MBNL2: variants seen among roughly 807,000 people sequenced by gnomAD.
MBNL2 encodes the protein muscleblind like splicing regulator 2.
MBNL2 carries 17 observed loss-of-function variants against 41.9 expected under a neutral mutation model. The observed-to-expected ratio is 0.41, with a 90% CI of 0.28 to 0.61. The LOEUF (loss-of-function observed/expected upper bound fraction) is 0.61, where lower values mean the gene tolerates loss of function less well. MBNL2 is among the 20% of genes least tolerant of loss of function. MBNL2 has a pLI of 0.35. For missense variants in MBNL2, 336 were observed against 505.6 expected, an observed-to-expected ratio of 0.66 and a Z score of 3.22; for synonymous variants, 195 against 182.9, an observed-to-expected ratio of 1.07 and a Z score of -0.53.
At chr13:97,167,966 T>C in the MBNL2 span, among the ~76,000 whole-genome samples, 1 of 152,144 alleles carries the variant, frequency 6.6e-6, no homozygotes, top group African/African-American at 2.4e-5. Flanking sequence ...TTTGGAGATA[T>C]ATATATATTT....
chr13:97,237,142 C>T (rs531053094), intron 1 of MBNL2, among the ~76,000 whole-genome samples: 8 of 152,158 alleles, frequency 5.3e-5, no homozygotes, highest in Non-Finnish European at 1.0e-4. Flanking sequence ...ATTTGAATCC[C>T]GGGGTCCCGT....
At chr13:97,387,841 A>C (rs765540567) in intron 8 of MBNL2, among the ~76,000 whole-genome samples, 4 of 152,164 alleles carry the variant, frequency 2.6e-5, no homozygotes, top group Non-Finnish European at 5.9e-5. Context: ...AATCAAGGGG[A>C]TATATCTTAA....
chr13:97,154,936 A>G, the MBNL2 span, among the ~76,000 whole-genome samples: 1 of 152,060 alleles, frequency 6.6e-6, no homozygotes, highest in Non-Finnish European at 1.5e-5. Context: ...AGTATTGAGG[A>G]GGCGATGCTG....
chr13:97,177,345 G>C, the MBNL2 span, among the ~76,000 whole-genome samples: 1 of 151,768 alleles, frequency 6.6e-6, no homozygotes, highest in African/African-American at 2.4e-5. Context: ...TGTCTCCAAA[G>C]AAAAAAGAGA....
upstream of MBNL2, among the ~76,000 whole-genome samples, chr13:97,217,752 C>T (rs1348578234): frequency 1.3e-5 from 2 of 152,080 alleles, no homozygotes; most frequent in Admixed American, 6.6e-5. Flanking sequence ...TGAGTTTATG[C>T]ATGTAAACAT....
chr13:97,262,392 T>A (rs1286735516), intron 1 of MBNL2, among the ~76,000 whole-genome samples: 1 of 152,186 alleles, frequency 6.6e-6, no homozygotes, highest in Non-Finnish European at 1.5e-5. Flanking sequence ...CGCTACTCCC[T>A]CCTCTTGAAA....
the MBNL2 span, among the ~76,000 whole-genome samples, chr13:97,185,506 C>T: frequency 6.6e-6 from 1 of 152,132 alleles, no homozygotes; most frequent in African/African-American, 2.4e-5. Context: ...TTGGATTAGC[C>T]ATATTGAGCT....
At chr13:97,203,378 T>C in the MBNL2 span, among the ~76,000 whole-genome samples, 1 of 152,198 alleles carries the variant, frequency 6.6e-6, no homozygotes, top group South Asian at 2.1e-4. Flanking sequence ...TATTATATTA[T>C]ATGACTCTGT....
intron 2 of MBNL2, among the ~76,000 whole-genome samples, chr13:97,291,882 G>A (rs1383791063): frequency 1.6e-4 from 12 of 74,478 alleles, no homozygotes; most frequent in East Asian, 1.5e-3. Flanking sequence ...GCAACAGAGC[G>A]AGACTCCGTC....
At chr13:97,321,126 T>G (rs970847333) in intron 2 of MBNL2, among the ~76,000 whole-genome samples, 4 of 152,184 alleles carry the variant, frequency 2.6e-5, no homozygotes, top group African/African-American at 9.7e-5. Context: ...GGGTTAGGAC[T>G]TCCACATGCA....
At position 97,366,969 on chromosome 13, in the gene MBNL2, A is replaced by G. The variant is rs1268259119; in HGVS notation, c.1048+1798A>G. Reference sequence around the variant, plus strand: ...GTGGAGGAAAAAAATCTCCTCTTAGAAAGAGTCATATTTGAGGCCTAAGTG... The same window carrying G: ...GTGGAGGAAAAAAATCTCCTCTTAGGAAGAGTCATATTTGAGGCCTAAGTG... On this transcript the variant is annotated intron_variant, in intron 8 of 8. Coordinates refer to ENST00000679496, the MANE Select transcript of MBNL2 (RefSeq NM_001382683.1). This position sits in a 1 kb window ranked among gnomAD's most constrained non-coding sequence, Gnocchi z 4.7. Among the ~76,000 whole-genome samples, 1 of 152,146 alleles carries G rather than the reference A, an allele frequency of 6.6e-6. No homozygotes were observed. The highest frequency in any genetic ancestry group is 1.5e-5 in the Non-Finnish European group (1 of 68,020).
At chr13:97,242,679 C>T (rs1207930408) in intron 1 of MBNL2, among the ~76,000 whole-genome samples, 1 of 151,872 alleles carries the variant, frequency 6.6e-6, no homozygotes, top group South Asian at 2.1e-4. Context: ...ATGAGGACTT[C>T]CTGGGTCCCG....
chr13:97,175,315 T>C, the MBNL2 span, among the ~76,000 whole-genome samples: 1 of 152,170 alleles, frequency 6.6e-6, no homozygotes, highest in African/African-American at 2.4e-5. Context: ...TTATCCTTCA[T>C]AGGTGTCTCC....
At chr13:97,220,319 G>T (rs904754838), upstream of MBNL2, among the ~76,000 whole-genome samples, 2 of 152,184 alleles carry the variant, frequency 1.3e-5, no homozygotes, top group African/African-American at 4.8e-5. Flanking sequence ...ACATTGTTAA[G>T]GGTTTCAAAG....
the MBNL2 span, among the ~76,000 whole-genome samples, chr13:97,196,844 A>G: frequency 1.3e-5 from 2 of 152,278 alleles, no homozygotes; most frequent in African/African-American, 2.4e-5. Flanking sequence ...ATCTTTTGCC[A>G]CCATATGGTT....
the MBNL2 span, among the ~76,000 whole-genome samples, chr13:97,173,247 G>A: frequency 6.6e-6 from 1 of 152,200 alleles, no homozygotes; most frequent in African/African-American, 2.4e-5. Context: ...GTAAGACACT[G>A]AGAGGAATTG....
intron 5 of MBNL2, among the ~76,000 whole-genome samples, chr13:97,354,567 GT>G (rs1165703620): frequency 2.0e-5 from 3 of 152,074 alleles, no homozygotes; most frequent in African/African-American, 2.4e-5. Context: ...AGAGATCTCA[GT>G]TTTTTTACAT....
intron 4 of MBNL2, 63 bp downstream of exon 4, chr13:97,343,279 GA>G: frequency 1.6e-6 from 2 of 1,222,638 alleles, no homozygotes; most frequent in Non-Finnish European, 2.3e-6. Flanking sequence ...CTGTGTAAGT[GA>G]TTGCTTGTAA....
chr13:97,163,159 C>T, the MBNL2 span, among the ~76,000 whole-genome samples: 3,431 of 152,270 alleles, frequency 0.023, 114 homozygotes, highest in African/African-American at 0.078. Flanking sequence ...AGCATCAGGG[C>T]GTAGGGTCCG....
Sources: gnomAD v4.1 joint callset for allele counts (sites outside exome capture counted in the v4.1 genomes callset) on GRCh38, gnomAD v4.1.1 for gene constraint, Gnocchi (gnomAD v3.1) non-coding constraint, MANE v1.5 for transcripts, NCBI Gene and HGNC (gene_info 2026-07-23, HGNC 2026-07-21) for gene names.